RANBP17: variants seen among roughly 807,000 people sequenced by gnomAD.
The protein encoded by RANBP17 is RAN binding protein 17, also known as ran-binding protein 17.
A neutral mutation model predicts 141.2 loss-of-function variants in RANBP17; 158 were observed. That is an observed-to-expected ratio of 1.12 (90% CI 0.98 to 1.28). The LOEUF (loss-of-function observed/expected upper bound fraction) is 1.28. Ranked by LOEUF, RANBP17 falls within the 50% of genes most tolerant of loss-of-function variation. RANBP17 has a pLI of 0.00. For missense variants in RANBP17, 1,438 were observed against 1,290.7 expected (o/e 1.11, Z -1.75); for synonymous variants, 430 against 450.0 (o/e 0.96, Z 0.56).
At chr5:171,190,876 T>C (rs1200350750) in intron 18 of RANBP17, among the ~76,000 whole-genome samples, 3 of 152,208 alleles carry the variant, frequency 2.0e-5, no homozygotes, top group Non-Finnish European at 2.9e-5. Context: ...TTGGAAGTGC[T>C]CAGTGTCACC....
At chr5:170,866,677 CAA>C (rs796168622) in intron 1 of RANBP17, among the ~76,000 whole-genome samples, 5 of 122,758 alleles carry the variant, frequency 4.1e-5, no homozygotes, top group African/African-American at 6.0e-5. Context: ...TCCATCTCAA[CAA>C]AAAAAAAAAA....
At chr5:171,213,791 C>A in intron 21 of RANBP17, 53 bp downstream of exon 21, 1 of 1,303,102 alleles carries the variant, frequency 7.7e-7, no homozygotes, top group South Asian at 1.2e-5. Context: ...GCGGAAATCT[C>A]CAACAGTCAG....
At chr5:171,274,130 GT>G in intron 25 of RANBP17, among the ~76,000 whole-genome samples, 1 of 127,180 alleles carries the variant, frequency 7.9e-6, no homozygotes, top group East Asian at 2.2e-4. Context: ...GTGTGTGTGT[GT>G]GTGTGTGTGT....
intron 16 of RANBP17, 98 bp from the exon 17 acceptor site, chr5:171,183,069 A>G: frequency 1.6e-6 from 1 of 638,512 alleles, no homozygotes; most frequent in East Asian, 2.8e-5. Context: ...ATTTTTTTAT[A>G]AGTAGAAATT....
chr5:171,184,639 T>C (rs575729111), intron 18 of RANBP17, among the ~76,000 whole-genome samples: 5 of 152,342 alleles, frequency 3.3e-5, no homozygotes, highest in African/African-American at 1.2e-4. Flanking sequence ...AAATGGTAAC[T>C]ATAGAGGTAA....
intron 14 of RANBP17, among the ~76,000 whole-genome samples, chr5:170,980,047 G>A (rs1177876178): frequency 1.3e-5 from 2 of 152,154 alleles, no homozygotes; most frequent in African/African-American, 4.8e-5. Context: ...ATGGAGATGA[G>A]GAACTGGAGC....
chr5:171,013,011 AT>A (rs1780169699), intron 14 of RANBP17, among the ~76,000 whole-genome samples: 1 of 152,180 alleles, frequency 6.6e-6, no homozygotes, highest in African/African-American at 2.4e-5. Context: ...TTTGAAAGAT[AT>A]TTAGAAGCTT....
intron 14 of RANBP17, among the ~76,000 whole-genome samples, chr5:171,053,219 T>A (rs1222447419): frequency 6.6e-6 from 1 of 152,136 alleles, no homozygotes. Context: ...TCAACTTTTA[T>A]TTTAGGTTCA....
chr5:170,957,626 T>C (rs1299948008), intron 13 of RANBP17, among the ~76,000 whole-genome samples: 3 of 152,202 alleles, frequency 2.0e-5, no homozygotes, highest in African/African-American at 4.8e-5. Context: ...ATATTCTGTT[T>C]AGAGCCACAT....
At chr5:171,019,839 C>T (rs1780725919) in intron 14 of RANBP17, among the ~76,000 whole-genome samples, 1 of 151,842 alleles carries the variant, frequency 6.6e-6, no homozygotes, top group African/African-American at 2.4e-5. Context: ...TTGCTCTTTC[C>T]TCTCTAGCTG....
At chr5:170,865,083 T>C (rs1214953322) in intron 1 of RANBP17, among the ~76,000 whole-genome samples, 1 of 152,160 alleles carries the variant, frequency 6.6e-6, no homozygotes, top group Admixed American at 6.5e-5. Flanking sequence ...CGTTTGTTTT[T>C]TGAGACAGAA....
intron 1 of RANBP17, among the ~76,000 whole-genome samples, chr5:170,869,917 C>G (rs1284190827): frequency 6.6e-6 from 1 of 152,172 alleles, no homozygotes; most frequent in Admixed American, 6.5e-5. Flanking sequence ...ATGACACTAA[C>G]TCTTAATCCT....
chr5:170,994,846 C>A (rs1398782601), intron 14 of RANBP17, among the ~76,000 whole-genome samples: 1 of 151,926 alleles, frequency 6.6e-6, no homozygotes, highest in Non-Finnish European at 1.5e-5. Flanking sequence ...ACTTTTTGAC[C>A]ATGACGTTGT....
intron 12 of RANBP17, among the ~76,000 whole-genome samples, chr5:170,934,938 A>G (rs978117898): frequency 7.9e-5 from 12 of 152,316 alleles, no homozygotes; most frequent in African/African-American, 2.2e-4. Flanking sequence ...ACTTTCAGGT[A>G]TACCAGTCAG....
At chr5:170,979,692 C>T (rs960574152) in intron 14 of RANBP17, among the ~76,000 whole-genome samples, 3 of 152,226 alleles carry the variant, frequency 2.0e-5, no homozygotes, top group Non-Finnish European at 4.4e-5. Flanking sequence ...TGCTCCTTGC[C>T]TTCTGCCATG....
intron 14 of RANBP17, among the ~76,000 whole-genome samples, chr5:171,110,985 A>G (rs1349835807): frequency 2.6e-5 from 4 of 151,532 alleles, no homozygotes; most frequent in African/African-American, 7.3e-5. Context: ...AGCATTAGGT[A>G]TATCTCCCAA....
At chr5:170,898,642 T>C (rs1218028751) in intron 5 of RANBP17, among the ~76,000 whole-genome samples, 1 of 152,022 alleles carries the variant, frequency 6.6e-6, no homozygotes, top group African/African-American at 2.4e-5. Context: ...TTAGGGTTTT[T>C]ATGATGTTAG....
intron 14 of RANBP17, among the ~76,000 whole-genome samples, chr5:170,996,326 A>T (rs969719225): frequency 2.0e-5 from 3 of 152,186 alleles, no homozygotes; most frequent in Admixed American, 2.0e-4. Flanking sequence ...TAAAATGAGG[A>T]ATGGAAAATT....
chr5:171,135,737 A>G (rs1465081814), intron 14 of RANBP17, among the ~76,000 whole-genome samples: 1 of 152,210 alleles, frequency 6.6e-6, no homozygotes, highest in Non-Finnish European at 1.5e-5. Flanking sequence ...TCAGTTCTAT[A>G]GAAGTAATTT....
Sources: allele counts gnomAD v4.1 joint callset (sites outside exome capture counted in the v4.1 genomes callset), GRCh38; gene constraint gnomAD v4.1.1; transcripts MANE v1.5; gene names NCBI Gene and HGNC (gene_info 2026-07-23, HGNC 2026-07-21).